GON4L: variants seen among roughly 807,000 people sequenced by gnomAD.
GON4L encodes the protein GON-4-like protein.
GON4L carries 87 observed loss-of-function variants against 211.8 expected under a neutral mutation model. That is an observed-to-expected ratio of 0.41 (90% CI 0.35 to 0.49). The LOEUF (loss-of-function observed/expected upper bound fraction) is 0.49, where lower values mean the gene tolerates loss of function less well. GON4L is among the 20% of genes least tolerant of loss of function. The pLI, the probability that GON4L is intolerant of heterozygous loss-of-function variation, is 0.15. For missense variants in GON4L, 2,155 were observed against 2,659.5 expected, an observed-to-expected ratio of 0.81 and a Z score of 4.17; for synonymous variants, 875 against 962.6, an observed-to-expected ratio of 0.91 and a Z score of 1.68.
chr1:155,809,961 A>G (rs1341336886), intron 10 of GON4L, among the ~76,000 whole-genome samples: 5 of 130,232 alleles, frequency 3.8e-5, no homozygotes, highest in African/African-American at 1.2e-4. Flanking sequence ...AATTATATAC[A>G]TATATAATTA....
intron 10 of GON4L, among the ~76,000 whole-genome samples, chr1:155,807,261 G>T (rs1005921009): frequency 1.3e-5 from 2 of 152,114 alleles, no homozygotes; most frequent in African/African-American, 4.8e-5. Context: ...TTAGATGGGA[G>T]TGGTGGCATA....
chr1:155,753,109 GA>G, intron 29 of GON4L, 94 bp downstream of exon 29: 1 of 934,818 alleles, frequency 1.1e-6, no homozygotes, highest in Non-Finnish European at 1.7e-6. Flanking sequence ...ATCCATCCCT[GA>G]AAAGGCTATT....
rs1374365623 is a variant in GON4L at position 155,833,752 on chromosome 1, AGGG to A, written c.506-6727_506-6725del. 1.7e-3 allele frequency among the ~76,000 whole-genome samples: 83 copies of A among 48,016 alleles called. 2 individuals carry two copies. The highest frequency in any genetic ancestry group is 6.8e-3 in the African/African-American group (79 of 11,636). 31.5% of individuals were successfully genotyped at this position (48,016 alleles called of 152,430 possible). On this transcript the variant is annotated intron_variant, in intron 2 of 31. Coordinates refer to ENST00000368331, the MANE Select transcript of GON4L (RefSeq NM_001282860.2). Reference sequence around the variant, plus strand: ...GGGGAGGAGAGGGGAGGAGAGGAGGAGGGGAGGAAGGGAGGAGGGGAGGAGGGG... The same window carrying A: ...GGGGAGGAGAGGGGAGGAGAGGAGGAGAGGAAGGGAGGAGGGGAGGAGGGG...
chr1:155,796,171 T>C (rs2101999950), intron 11 of GON4L, among the ~76,000 whole-genome samples: 1 of 152,258 alleles, frequency 6.6e-6, no homozygotes, highest in East Asian at 1.9e-4. Context: ...TGAAAAATTA[T>C]ATCCTTACAA....
chr1:155,779,264 A>AG (rs71080725), intron 14 of GON4L, among the ~76,000 whole-genome samples: 134,456 of 143,882 alleles, frequency 0.93, 63,603 homozygotes, highest in South Asian at 1. Context: ...AAAAAAAAAA[A>AG]AAAAAAAAAA....
rs1329573954 is a variant in GON4L at position 155,766,290 on chromosome 1, A to G, written c.3183T>C (p.Ser1061=). The part of the protein sequence containing the change: ...TVPGVPPLGV[S]GGESFESPAA... ...CAGGAGACTCAAAACTCTCACCTCC[A>G]CTGACCCCCAGTGGAGGGACACCTG... Residue 1061 remains serine, a synonymous_variant, in exon 21 of 32, where the codon AGT becomes AGC. Coordinates refer to ENST00000368331, the MANE Select transcript of GON4L (RefSeq NM_001282860.2). 5 of 1,614,066 alleles carry G rather than the reference A, an allele frequency of 3.1e-6. No individual in the cohort carries two copies. Among genetic ancestry groups the G allele is most frequent in the Non-Finnish European group, 4.2e-6 (5 of 1,180,002 alleles).
chr1:155,777,957 C>A (rs775857415), intron 14 of GON4L, 137 bp from the exon 15 acceptor site: 5 of 706,374 alleles, frequency 7.1e-6, no homozygotes, highest in Non-Finnish European at 1.3e-5. Flanking sequence ...AGCCAACAGT[C>A]AAACTCTCAG....
intron 2 of GON4L, 105 bp downstream of exon 2, chr1:155,853,171 A>C (rs1455873451): frequency 2.8e-6 from 3 of 1,061,776 alleles, no homozygotes; most frequent in Admixed American, 1.7e-5. Flanking sequence ...TTCCGTACCA[A>C]ATCAATATCC....
chr1:155,841,348 A>G (rs1192582116), intron 2 of GON4L, among the ~76,000 whole-genome samples: 1 of 152,216 alleles, frequency 6.6e-6, no homozygotes, highest in East Asian at 1.9e-4. Context: ...TTTGAGGGAT[A>G]TAATTAATTC....
Position 155,766,594 on chromosome 1 carries a change from T to C in GON4L, c.2879A>G (p.Asn960Ser), listed in dbSNP as rs370906555. The C allele has an allele frequency of 8.5e-5, 137 of 1,613,994 alleles. No individual in the cohort carries two copies. The highest frequency in any genetic ancestry group is 1.3e-4 in the East Asian group (6 of 44,890). ...INSDRSLEKD[N>S]LELGSESRYP... Reference sequence around the variant, plus strand: ...CCGAGATTCACTCCCCAACTCCAAATTGTCTTTTTCTAGGCTTCGATCTGA... The same window carrying C: ...CCGAGATTCACTCCCCAACTCCAAACTGTCTTTTTCTAGGCTTCGATCTGA... The change falls in exon 21 of 32, where the codon AAT (asparagine) becomes AGT (serine). Residue 960 changes from asparagine (N) to serine (S), a missense_variant. Around this residue, in one of 6 missense-constraint regions of GON4L, gnomAD observed 615 missense variants for 625.7 expected, o/e 0.98. Coordinates refer to ENST00000368331, the MANE Select transcript of GON4L (RefSeq NM_001282860.2).
chr1:155,791,381 C>T (rs182698921), intron 12 of GON4L, among the ~76,000 whole-genome samples: 8 of 151,388 alleles, frequency 5.3e-5, no homozygotes, highest in Admixed American at 1.3e-4. Context: ...AAAATAAATG[C>T]TAGAATCCAG....
chr1:155,752,929 A>G (rs1448346187), intron 29 of GON4L, among the ~76,000 whole-genome samples: 1 of 152,190 alleles, frequency 6.6e-6, no homozygotes, highest in Non-Finnish European at 1.5e-5. Context: ...TGTAGATTAC[A>G]CTAGATTTGG....
chr1:155,778,019 T>G (rs1664008864), intron 14 of GON4L, among the ~76,000 whole-genome samples, 199 bp from the exon 15 acceptor site: 1 of 152,168 alleles, frequency 6.6e-6, no homozygotes, highest in Non-Finnish European at 1.5e-5. Context: ...ATATGATGAT[T>G]CTATATTACA....
At position 155,822,476 on chromosome 1, in the gene GON4L, T is replaced by C; in HGVS notation, c.698A>G (p.Glu233Gly). The change falls in exon 4 of 32, where the codon GAA (glutamate) becomes GGA (glycine). Residue 233 changes from glutamate (E) to glycine (G), a missense_variant and splice_region_variant. By Grantham distance (98) the Glu-to-Gly change is moderately conservative. This residue lies in a region of GON4L where 313 missense variants were observed against 293.2 expected (regional missense o/e 1.07). Coordinates refer to ENST00000368331, the MANE Select transcript of GON4L (RefSeq NM_001282860.2). ...CTCACTTTCTTCATTGTCTTGTTCT[T>C]CTGCAAATAAACCAAGAACATCATC... ...IEDGGLFIPM[E>G]EQDNEESEKR... 1 of 1,611,476 alleles carries C rather than the reference T, an allele frequency of 6.2e-7. No homozygotes were observed. The highest frequency in any genetic ancestry group is 8.5e-7 in the Non-Finnish European group (1 of 1,178,414).
At chr1:155,805,214 A>G (rs1667022740) in intron 10 of GON4L, 73 bp from the exon 11 acceptor site, 12 of 999,546 alleles carry the variant, frequency 1.2e-5, no homozygotes, top group Non-Finnish European at 1.8e-5. Flanking sequence ...TTTTCTTCTC[A>G]TCTTAGCTTA....
At chr1:155,769,553 C>T (rs1333191760) in intron 19 of GON4L, among the ~76,000 whole-genome samples, 4 of 151,940 alleles carry the variant, frequency 2.6e-5, no homozygotes, top group Non-Finnish European at 5.9e-5. Flanking sequence ...ATCTAGAAGG[C>T]CAGACACGCT....
At chr1:155,748,082 C>T, downstream of GON4L, 1 of 1,608,920 alleles carries the variant, frequency 6.2e-7, no homozygotes, top group East Asian at 2.2e-5. Flanking sequence ...GGAGCCTGGG[C>T]CTGCGACCTG....
chr1:155,818,017 C>CAAA, intron 6 of GON4L, among the ~76,000 whole-genome samples: 1 of 151,984 alleles, frequency 6.6e-6, no homozygotes, highest in Non-Finnish European at 1.5e-5. Context: ...TTGGATGGCC[C>CAAA]AACTTCTCCA....
At chr1:155,747,763 G>A, downstream of GON4L, 1 of 1,613,876 alleles carries the variant, frequency 6.2e-7, no homozygotes, top group Non-Finnish European at 8.5e-7. Flanking sequence ...CCCGCCCAGG[G>A]CTTCCAGATC....
Sources: gnomAD v4.1 joint callset for allele counts (sites outside exome capture counted in the v4.1 genomes callset) on GRCh38, gnomAD v4.1.1 for gene constraint, gnomAD v4.1.1 regional missense constraint, MANE v1.5 for transcripts, NCBI Gene and HGNC (gene_info 2026-07-23, HGNC 2026-07-21) for gene names.